Variants in ATP13A4 observed in about 807,000 individuals in gnomAD.
ATP13A4 encodes probable cation-transporting ATPase 13A4.
Under a neutral mutation model 142.5 loss-of-function variants are expected in ATP13A4, and 114 were observed. That is an observed-to-expected ratio of 0.80 (90% CI 0.69 to 0.93). The LOEUF is 0.93. Among genes scored for constraint, ATP13A4 ranks in the 40% least tolerant of loss-of-function variants. The pLI, the probability that ATP13A4 is intolerant of heterozygous loss-of-function variation, is 0.00. For synonymous variants in ATP13A4, 488 were observed against 514.8 expected, an observed-to-expected ratio of 0.95 and a Z score of 0.70; for missense variants, 1,392 against 1,454.0, an observed-to-expected ratio of 0.96 and a Z score of 0.69.
intron 17 of ATP13A4, among the ~76,000 whole-genome samples, chr3:193,450,122 AAAAAAGAAAAG>A (rs961592310): frequency 2.6e-5 from 4 of 152,084 alleles, no homozygotes; most frequent in South Asian, 4.2e-4. Flanking sequence ...ACAAAAAAAA[AAAAAAGAAAAG>A]AAAAAGAAAA....
At chr3:193,586,897 G>T (rs775329287) in intron 1 of ATP13A4, among the ~76,000 whole-genome samples, 52 of 152,154 alleles carry the variant, frequency 3.4e-4, no homozygotes, top group Non-Finnish European at 6.2e-4. Flanking sequence ...GTTGTAAATG[G>T]ATTGAGTATA....
rs766000593 is a variant in ATP13A4 at position 193,448,213 on chromosome 3, C to T, written c.2145G>A (p.Met715Ile). 4 of 1,613,998 alleles carry T rather than the reference C, an allele frequency of 2.5e-6. No homozygotes were observed. Among genetic ancestry groups the T allele is most frequent in the Non-Finnish European group, 3.4e-6 (4 of 1,180,016 alleles). ...ELISARIRTV[M>I]ITGDNLQTAI... ...GTATACTTTGTTTCATACCTGTGATCATTACAGTCCTTATCCGGGCTGAGA... is the reference window on the plus strand; with the variant it reads ...GTATACTTTGTTTCATACCTGTGATTATTACAGTCCTTATCCGGGCTGAGA... Residue 715 changes from methionine to isoleucine, a missense_variant, in exon 18 of 30, where the codon ATG becomes ATA. Physicochemically the swap from Met to Ile is conservative, Grantham distance 10 (BLOSUM62 1). Transcript: ENST00000342695.
At chr3:193,554,028 C>G (rs564177205) in intron 1 of ATP13A4, among the ~76,000 whole-genome samples, 2 of 152,328 alleles carry the variant, frequency 1.3e-5, no homozygotes, top group South Asian at 2.1e-4. Flanking sequence ...TTCTAACTCT[C>G]TCTTGATTAT....
intron 1 of ATP13A4, among the ~76,000 whole-genome samples, chr3:193,544,004 T>TTCCCAAGCA (rs1419900067): frequency 6.6e-6 from 1 of 152,172 alleles, no homozygotes; most frequent in Non-Finnish European, 1.5e-5. Flanking sequence ...TCAGTTGGTG[T>TTCCCAAGCA]TCATCAGACA....
At chr3:193,427,671 C>G (rs1024028068) in intron 25 of ATP13A4, among the ~76,000 whole-genome samples, 1 of 151,980 alleles carries the variant, frequency 6.6e-6, no homozygotes, top group Non-Finnish European at 1.5e-5. Context: ...ACAAACCTGA[C>G]AAAAACAAGA....
chr3:193,410,189 A>T (rs1714694445), intron 28 of ATP13A4, among the ~76,000 whole-genome samples: 1 of 152,200 alleles, frequency 6.6e-6, no homozygotes, highest in Non-Finnish European at 1.5e-5. Context: ...AAGAGAGTTT[A>T]TGAGGAAAAA....
In ATP13A4 at chr3:193,436,800, G is replaced by A. The variant is rs1716296826; in HGVS notation, c.2673-1056C>T. Reference sequence around the variant, plus strand: ...AACTCATGCCCACTATGATGTCCTAGGGTGTTAAAACCTGATCCCCGGGGC... The same window carrying A: ...AACTCATGCCCACTATGATGTCCTAAGGTGTTAAAACCTGATCCCCGGGGC... On this transcript the variant is annotated intron_variant, in intron 23 of 29. Transcript: ENST00000342695. Among the ~76,000 whole-genome samples, 5 of 151,172 alleles carry A rather than the reference G, an allele frequency of 3.3e-5. No individual in the cohort carries two copies. The South Asian group carries it at 8.4e-4, about 26-fold the overall frequency.
intron 1 of ATP13A4, among the ~76,000 whole-genome samples, chr3:193,520,702 T>C (rs1332340491): frequency 2.0e-5 from 3 of 152,178 alleles, no homozygotes; most frequent in African/African-American, 7.2e-5. Context: ...AAAAAATTAT[T>C]ATTATTAAAA....
chr3:193,584,928 G>A (rs759423861), intron 1 of ATP13A4, among the ~76,000 whole-genome samples: 1 of 152,132 alleles, frequency 6.6e-6, no homozygotes, highest in African/African-American at 2.4e-5. Flanking sequence ...GATATGGAAT[G>A]TTCCCATGTT....
intron 25 of ATP13A4, among the ~76,000 whole-genome samples, chr3:193,418,616 G>A (rs1328683098): frequency 6.7e-6 from 1 of 149,498 alleles, no homozygotes; most frequent in African/African-American, 2.5e-5. Flanking sequence ...CTCCTTGTGG[G>A]GAAAAGGTAA....
chr3:193,537,313 T>G (rs1436614077), intron 1 of ATP13A4, among the ~76,000 whole-genome samples: 3 of 152,106 alleles, frequency 2.0e-5, no homozygotes. Context: ...AACAGATTTT[T>G]GACACATACG....
In ATP13A4 at chr3:193,514,963, G is replaced by A. The variant is rs1309024636; in HGVS notation, c.61-92C>T. The stretch of plus-strand genomic sequence containing the variant: ...GATTTTAGTGATGGAAATGGGGGCA[G>A]AGTGAAGGAGTTGAGGAGGGTGAGG... On this transcript the variant is annotated intron_variant, in intron 1 of 29. Coordinates refer to ENST00000342695, the MANE Select transcript of ATP13A4 (RefSeq NM_032279.4). The A allele has an allele frequency of 2.1e-6, 3 of 1,397,908 alleles. No homozygotes were observed. The African/African-American group carries it at 4.3e-5, about 20-fold the overall frequency. The allele number at this position is 1,397,908 out of a possible 1,614,324, so 86.6% of individuals were successfully genotyped here.
chr3:193,418,014 T>G (rs1221404708), intron 25 of ATP13A4, among the ~76,000 whole-genome samples: 1 of 136,322 alleles, frequency 7.3e-6, no homozygotes, highest in Non-Finnish European at 1.6e-5. Context: ...CCCAGCTACT[T>G]GGGAGGCTGA....
At chr3:193,558,821 T>C, upstream of ATP13A4, among the ~76,000 whole-genome samples, 1 of 152,206 alleles carries the variant, frequency 6.6e-6, no homozygotes, top group Non-Finnish European at 1.5e-5. Context: ...CTTCGTTCAT[T>C]CTCTGATTCT....
intron 2 of ATP13A4, among the ~76,000 whole-genome samples, chr3:193,573,516 C>A (rs186650611): frequency 2.8e-4 from 43 of 151,934 alleles, no homozygotes; most frequent in Non-Finnish European, 6.2e-4. Flanking sequence ...GCCGCTGCAA[C>A]AGGCTGGCAT....
chr3:193,530,185 C>T (rs1277692263), intron 1 of ATP13A4, among the ~76,000 whole-genome samples: 1 of 152,044 alleles, frequency 6.6e-6, no homozygotes, highest in Non-Finnish European at 1.5e-5. Context: ...ACCCCTATGC[C>T]TTTGTCCAAG....
At chr3:193,455,201 C>T (rs1243237157) in intron 16 of ATP13A4, among the ~76,000 whole-genome samples, 1 of 151,748 alleles carries the variant, frequency 6.6e-6, no homozygotes, top group East Asian at 1.9e-4. Flanking sequence ...ATTAGCCGGG[C>T]GAGGTGGCGG....
intron 23 of ATP13A4, 99 bp from the exon 24 acceptor site, chr3:193,435,843 A>C (rs1716237379): frequency 2.8e-6 from 3 of 1,060,532 alleles, no homozygotes; most frequent in Non-Finnish European, 4.3e-6. Context: ...AAAAAAATCA[A>C]AAGTCATTAT....
chr3:193,475,843 A>C (rs993400497), intron 8 of ATP13A4, among the ~76,000 whole-genome samples: 2 of 152,040 alleles, frequency 1.3e-5, no homozygotes, highest in African/African-American at 4.8e-5. Flanking sequence ...GGAAAAAAAG[A>C]ATTCTAAAAC....
Sources: allele counts gnomAD v4.1 joint callset (sites outside exome capture counted in the v4.1 genomes callset), GRCh38; gene constraint gnomAD v4.1.1; transcripts MANE v1.5; gene names NCBI Gene and HGNC (gene_info 2026-07-23, HGNC 2026-07-21).